The following KLHL29 variants were observed in gnomAD, a reference collection of about 807,000 sequenced individuals.
KLHL29 encodes the protein kelch like family member 29, also known as kelch-like protein 29.
A neutral mutation model predicts 80.4 loss-of-function variants in KLHL29; 21 were observed. The ratio of observed to expected loss-of-function variants is 0.26; its 90% CI spans 0.19 to 0.38. KLHL29 has a LOEUF of 0.38. Among genes scored for constraint, KLHL29 ranks in the 10% least tolerant of loss-of-function variants. KLHL29 has a pLI of 1.00. For missense variants in KLHL29, 867 were observed against 1,223.9 expected (o/e 0.71, Z 4.35); for synonymous variants, 511 against 526.8 (o/e 0.97, Z 0.41).
intron 2 of KLHL29, among the ~76,000 whole-genome samples, chr2:23,514,424 C>A (rs777910672): frequency 1.6e-4 from 24 of 152,164 alleles, no homozygotes; most frequent in Admixed American, 3.3e-4. Flanking sequence ...CAGACGCCGG[C>A]CCCACAGGAG....
chr2:23,632,139 C>T (rs1406513847), intron 3 of KLHL29, among the ~76,000 whole-genome samples: 2 of 152,202 alleles, frequency 1.3e-5, no homozygotes, highest in Non-Finnish European at 1.5e-5. Flanking sequence ...TGGAGATCCC[C>T]GTGGTGGTGG....
chr2:23,511,662 C>A (rs1472374945), intron 2 of KLHL29, among the ~76,000 whole-genome samples: 1 of 152,198 alleles, frequency 6.6e-6, no homozygotes, highest in Non-Finnish European at 1.5e-5. Flanking sequence ...TATCAAAACA[C>A]AAATTTTGTT....
At chr2:23,623,273 C>T (rs1669230233) in intron 3 of KLHL29, among the ~76,000 whole-genome samples, 2 of 152,190 alleles carry the variant, frequency 1.3e-5, no homozygotes, top group African/African-American at 4.8e-5. Context: ...ATGGACCCTA[C>T]AGTGCTGGCC....
At chr2:23,666,299 A>T (rs1320323166) in intron 5 of KLHL29, among the ~76,000 whole-genome samples, 1 of 152,172 alleles carries the variant, frequency 6.6e-6, no homozygotes, top group Non-Finnish European at 1.5e-5. Flanking sequence ...CTGAGCGAGG[A>T]TCCCCAAAAC....
intron 11 of KLHL29, chr2:23,697,428 G>A (rs1422039003): frequency 1.3e-5 from 2 of 152,302 alleles, no homozygotes; most frequent in African/African-American, 4.8e-5. Flanking sequence ...GCACAACCCA[G>A]GGGAGACAGC....
chr2:23,573,389 T>C (rs1653723), intron 3 of KLHL29, among the ~76,000 whole-genome samples: 13,126 of 152,226 alleles, frequency 0.086, 1,316 homozygotes, highest in African/African-American at 0.24. Context: ...GAGTAATTAT[T>C]ATTAGCACCA....
At chr2:23,519,181 C>A (rs1259994373) in intron 2 of KLHL29, among the ~76,000 whole-genome samples, 1 of 152,146 alleles carries the variant, frequency 6.6e-6, no homozygotes, top group Non-Finnish European at 1.5e-5. Context: ...GGGACAGCCT[C>A]CCTAGGTAAA....
At chr2:23,679,290 C>T (rs1450559375) in intron 5 of KLHL29, among the ~76,000 whole-genome samples, 1 of 152,226 alleles carries the variant, frequency 6.6e-6, no homozygotes, top group Non-Finnish European at 1.5e-5. Flanking sequence ...CAATCTAGGT[C>T]AGGCCTGGCT....
intron 11 of KLHL29, among the ~76,000 whole-genome samples, chr2:23,699,427 G>A (rs549968188): frequency 9.8e-5 from 15 of 152,332 alleles, no homozygotes; most frequent in African/African-American, 3.6e-4. Flanking sequence ...GAGGCAACTG[G>A]AGTTGGGAGA....
intron 2 of KLHL29, among the ~76,000 whole-genome samples, chr2:23,491,826 G>A (rs962838472): frequency 9.9e-5 from 15 of 152,054 alleles, no homozygotes; most frequent in Non-Finnish European, 1.8e-4. Flanking sequence ...CTCCTCCCAT[G>A]TCCCCCACCT....
chr2:23,455,132 C>A (rs1270404829), intron 1 of KLHL29, among the ~76,000 whole-genome samples: 1 of 152,124 alleles, frequency 6.6e-6, no homozygotes, highest in East Asian at 1.9e-4. Flanking sequence ...TCTTCTCAGG[C>A]CTGGCTCCTT....
chr2:23,557,117 C>T (rs1356086148), intron 2 of KLHL29, among the ~76,000 whole-genome samples: 2 of 152,150 alleles, frequency 1.3e-5, no homozygotes, highest in Admixed American at 6.5e-5. Context: ...TGTGTTTTGT[C>T]GGTAATTGCT....
intron 2 of KLHL29, among the ~76,000 whole-genome samples, chr2:23,558,436 C>G (rs1264723149): frequency 2.8e-5 from 1 of 36,310 alleles, no homozygotes; most frequent in Non-Finnish European, 5.8e-5. Flanking sequence ...TGGTCTCACT[C>G]TGTCACCCAG....
At chr2:23,451,034 T>C (rs188210278) in intron 1 of KLHL29, among the ~76,000 whole-genome samples, 1 of 152,358 alleles carries the variant, frequency 6.6e-6, no homozygotes, top group East Asian at 1.9e-4. Flanking sequence ...AATGGAATTA[T>C]ACAATAATGC....
chr2:23,493,777 G>A (rs1259577998), intron 2 of KLHL29, among the ~76,000 whole-genome samples: 4 of 152,174 alleles, frequency 2.6e-5, no homozygotes, highest in Non-Finnish European at 4.4e-5. Context: ...ATAGGGACAG[G>A]AGACTTTTTC....
intron 2 of KLHL29, among the ~76,000 whole-genome samples, chr2:23,526,601 A>G (rs1412513516): frequency 6.6e-6 from 1 of 152,250 alleles, no homozygotes; most frequent in Non-Finnish European, 1.5e-5. Context: ...CCCTCTGCCT[A>G]CCAGAGTGAC....
At position 23,525,374 on chromosome 2, in the gene KLHL29, G is replaced by A. The variant is rs549083988; in HGVS notation, c.-45-36778G>A. On this transcript the variant is annotated intron_variant, in intron 2 of 13. Transcript: ENST00000486442. ...CTTTTCTTGTTTTCCGCTACACCACGTGGCTTCAGACCATGACATTTCTGT... is the reference window on the plus strand; with the variant it reads ...CTTTTCTTGTTTTCCGCTACACCACATGGCTTCAGACCATGACATTTCTGT... Among the ~76,000 whole-genome samples, 11 of 152,366 alleles carry A rather than the reference G, an allele frequency of 7.2e-5. No homozygotes were observed. The South Asian group carries it at 2.3e-3, about 32-fold the overall frequency.
chr2:23,627,296 G>A (rs139018703), intron 3 of KLHL29, among the ~76,000 whole-genome samples: 33 of 152,294 alleles, frequency 2.2e-4, no homozygotes, highest in African/African-American at 7.5e-4. Context: ...CCAAGGTGGG[G>A]CCAAAGAACA....
Position 23,681,340 on chromosome 2 carries a change from A to C in KLHL29, c.941-3059A>C, listed in dbSNP as rs1307330975. On this transcript the variant is annotated intron_variant, in intron 5 of 13. Transcript: ENST00000486442. The surrounding 1 kb of genome is among the most constrained non-coding windows in gnomAD (Gnocchi z 4.2). The stretch of plus-strand genomic sequence containing the variant: ...TTCAGAGAGAGCAGAAAGCACCTAC[A>C]TTAGGATGGGGACACCTGAACCTCC... Among the ~76,000 whole-genome samples, 1 of 152,198 alleles carries C rather than the reference A, an allele frequency of 6.6e-6. No individual in the cohort carries two copies. The highest frequency in any genetic ancestry group is 6.5e-5 in the Admixed American group (1 of 15,284).
Sources: gnomAD v4.1 joint callset for allele counts (sites outside exome capture counted in the v4.1 genomes callset) on GRCh38, gnomAD v4.1.1 for gene constraint, Gnocchi (gnomAD v3.1) non-coding constraint, MANE v1.5 for transcripts, NCBI Gene and HGNC (gene_info 2026-07-23, HGNC 2026-07-21) for gene names.